DOCK10: variants seen among roughly 807,000 people sequenced by gnomAD.
The protein encoded by DOCK10 is dedicator of cytokinesis protein 10.
DOCK10 carries 145 observed loss-of-function variants against 280.1 expected under a neutral mutation model. The observed-to-expected ratio is 0.52, with a 90% confidence interval of 0.45 to 0.59. DOCK10 has a LOEUF of 0.59. Among genes scored for constraint, DOCK10 ranks in the 20% least tolerant of loss-of-function variants. The pLI is 0.00. For missense variants in DOCK10, 2,368 were observed against 2,651.7 expected (o/e 0.89, Z 2.35); for synonymous variants, 915 against 942.2 (o/e 0.97, Z 0.53).
chr2:224,883,009 A>C (rs1465119709), intron 7 of DOCK10, among the ~76,000 whole-genome samples: 3 of 152,250 alleles, frequency 2.0e-5, no homozygotes, highest in Non-Finnish European at 2.9e-5. Flanking sequence ...AAGGATGTAG[A>C]GAATACTGGA....
intron 45 of DOCK10, 67 bp from the exon 46 acceptor site, chr2:224,793,524 A>G: frequency 4.0e-6 from 5 of 1,260,716 alleles, no homozygotes; most frequent in Non-Finnish European, 5.7e-6. Flanking sequence ...CTAATCTTCC[A>G]AGGCGAGTCA....
intron 1 of DOCK10, among the ~76,000 whole-genome samples, chr2:224,940,983 G>T (rs1238157682): frequency 6.6e-6 from 1 of 151,874 alleles, no homozygotes; most frequent in Non-Finnish European, 1.5e-5. Context: ...TAATTCATAT[G>T]TGTTTTCTTG....
intron 2 of DOCK10, among the ~76,000 whole-genome samples, chr2:224,921,538 T>C (rs1467633717): frequency 6.6e-6 from 1 of 152,060 alleles, no homozygotes; most frequent in African/African-American, 2.4e-5. Context: ...GTTACAAAAA[T>C]TGCTTAATCA....
intron 1 of DOCK10, among the ~76,000 whole-genome samples, chr2:225,016,643 GTGCACATAGATAC>G (rs1559963042): frequency 0.086 from 2,960 of 34,340 alleles, 388 homozygotes; most frequent in African/African-American, 0.18. Flanking sequence ...ATATATCTAT[GTGCACATAGATAC>G]ATAGATACAT....
At chr2:224,932,105 T>C (rs10192580) in intron 1 of DOCK10, among the ~76,000 whole-genome samples, 85,265 of 152,020 alleles carry the variant, frequency 0.56, 24,862 homozygotes, top group Non-Finnish European at 0.64. Flanking sequence ...TGGCACCTTG[T>C]TAGCAATGAA....
chr2:224,920,290 T>A (rs565677142), intron 2 of DOCK10, among the ~76,000 whole-genome samples: 77 of 150,688 alleles, frequency 5.1e-4, no homozygotes, highest in South Asian at 4.0e-3. Flanking sequence ...TCCAGGATGG[T>A]CTCCAGCTCC....
At chr2:224,785,532 G>C (rs1281861643) in intron 50 of DOCK10, among the ~76,000 whole-genome samples, 1 of 152,090 alleles carries the variant, frequency 6.6e-6, no homozygotes, top group Non-Finnish European at 1.5e-5. Flanking sequence ...CCAGTCTAGA[G>C]TGCAGTGGCG....
At chr2:224,900,956 A>G (rs528294909) in intron 3 of DOCK10, among the ~76,000 whole-genome samples, 1 of 150,946 alleles carries the variant, frequency 6.6e-6, no homozygotes, top group South Asian at 2.1e-4. Flanking sequence ...TAGGCTTTAT[A>G]TATCTGGTGG....
intron 50 of DOCK10, among the ~76,000 whole-genome samples, chr2:224,779,898 G>A (rs1574804359): frequency 6.6e-6 from 1 of 152,228 alleles, no homozygotes; most frequent in Admixed American, 6.5e-5. Context: ...CTCCCTAATT[G>A]ACTTTGGGCT....
At chr2:224,961,446 C>CTTTCTTTCTTTCTTTCTTTCTTTCTT (rs1704422813) in intron 1 of DOCK10, among the ~76,000 whole-genome samples, 11 of 130,638 alleles carry the variant, frequency 8.4e-5, no homozygotes, top group African/African-American at 3.0e-4. Flanking sequence ...TTCTTTCTTT[C>CTTTCTTTCTTTCTTTCTTTCTTTCTT]TTTCTTTCTT....
At chr2:224,907,239 T>G (rs1233797747) in intron 3 of DOCK10, among the ~76,000 whole-genome samples, 1 of 152,210 alleles carries the variant, frequency 6.6e-6, no homozygotes, top group African/African-American at 2.4e-5. Context: ...TGTTAATTAC[T>G]TCAAACTCTG....
intron 1 of DOCK10, among the ~76,000 whole-genome samples, chr2:224,972,897 G>T (rs1221780639): frequency 2.0e-5 from 3 of 152,168 alleles, no homozygotes; most frequent in Non-Finnish European, 4.4e-5. Flanking sequence ...ACACAGAAGA[G>T]AACTCAAATA....
At chr2:224,774,603 G>C (rs1286569363) in intron 52 of DOCK10, among the ~76,000 whole-genome samples, 1 of 152,246 alleles carries the variant, frequency 6.6e-6, no homozygotes, top group African/African-American at 2.4e-5. Flanking sequence ...GGTAGACTCA[G>C]AGAGGAAAGT....
chr2:224,856,207 C>T (rs963360749), intron 15 of DOCK10, among the ~76,000 whole-genome samples: 6 of 152,130 alleles, frequency 3.9e-5, no homozygotes, highest in East Asian at 3.8e-4. Context: ...TTAATGTCAG[C>T]GTTGCATTGT....
chr2:225,004,741 T>C (rs1238243881), intron 1 of DOCK10, among the ~76,000 whole-genome samples: 1 of 152,140 alleles, frequency 6.6e-6, no homozygotes, highest in Non-Finnish European at 1.5e-5. Context: ...ATGTGAAGAG[T>C]GTGCTGATGC....
At chr2:224,958,958 G>T (rs986334195) in intron 1 of DOCK10, among the ~76,000 whole-genome samples, 1 of 152,170 alleles carries the variant, frequency 6.6e-6, no homozygotes, top group African/African-American at 2.4e-5. Context: ...ATCTGACTTT[G>T]TTCTCTTTTG....
At chr2:224,979,283 T>G (rs1467726998) in intron 1 of DOCK10, among the ~76,000 whole-genome samples, 1 of 152,218 alleles carries the variant, frequency 6.6e-6, no homozygotes, top group Non-Finnish European at 1.5e-5. Context: ...GTACTGTTAC[T>G]TTTTACATTT....
At chr2:224,886,628 G>T in intron 4 of DOCK10, 97 bp from the exon 5 acceptor site, 1 of 910,252 alleles carries the variant, frequency 1.1e-6, no homozygotes, top group Non-Finnish European at 1.7e-6. Context: ...TGGTGCTGGT[G>T]TTCTTACAAA....
chr2:224,961,472 C>CTTTCTTTT (rs1553623720), intron 1 of DOCK10, among the ~76,000 whole-genome samples: 1 of 102,940 alleles, frequency 9.7e-6, no homozygotes, highest in African/African-American at 3.7e-5. Context: ...CTTTCTTTTT[C>CTTTCTTTT]TTTCTTTCTT....
Sources: gnomAD v4.1 joint callset for allele counts (sites outside exome capture counted in the v4.1 genomes callset) on GRCh38, gnomAD v4.1.1 for gene constraint, MANE v1.5 for transcripts, NCBI Gene and HGNC (gene_info 2026-07-23, HGNC 2026-07-21) for gene names.